The following TP63 variants were observed in gnomAD, a reference collection of about 807,000 sequenced individuals.
The protein encoded by TP63 is tumor protein p63.
Under a neutral mutation model 82.8 loss-of-function variants are expected in TP63, and 17 were observed. That is an observed-to-expected ratio of 0.21 (90% confidence interval 0.14 to 0.31). TP63 has a LOEUF of 0.31. Among genes scored for constraint, TP63 ranks in the 10% least tolerant of loss-of-function variants. The pLI, the probability that TP63 is intolerant of heterozygous loss-of-function variation, is 1.00. For synonymous variants in TP63, 330 were observed against 321.7 expected, an observed-to-expected ratio of 1.03 and a Z score of -0.28; for missense variants, 648 against 895.3, an observed-to-expected ratio of 0.72 and a Z score of 3.52.
At chr3:189,680,756 G>A (rs1394667616) in intron 1 of TP63, among the ~76,000 whole-genome samples, 4 of 152,198 alleles carry the variant, frequency 2.6e-5, no homozygotes, top group Non-Finnish European at 5.9e-5. Flanking sequence ...TGGGTATGCT[G>A]ACATGGACCT....
At chr3:189,596,971 A>G in the TP63 span, among the ~76,000 whole-genome samples, 1 of 152,136 alleles carries the variant, frequency 6.6e-6, no homozygotes, top group Non-Finnish European at 1.5e-5. Flanking sequence ...ACTCACTGCG[A>G]AGGTCTGCAG....
At chr3:189,611,291 C>G in the TP63 span, among the ~76,000 whole-genome samples, 16 of 152,070 alleles carry the variant, frequency 1.1e-4, no homozygotes, top group Non-Finnish European at 2.1e-4. Context: ...TACATTGAAG[C>G]CTTTAATCCA....
chr3:189,783,299 T>C lies in TP63; in HGVS notation c.325-24973T>C, dbSNP rs1193756362. Among the ~76,000 whole-genome samples the C allele has an allele frequency of 2.0e-5, 3 of 151,980 alleles. No individual in the cohort carries two copies. The East Asian group carries it at 5.8e-4, about 29-fold the overall frequency. On this transcript the variant is annotated intron_variant, in intron 3 of 13. Coordinates refer to ENST00000264731, the MANE Select transcript of TP63 (RefSeq NM_003722.5). Reference sequence around the variant, plus strand: ...ATGTACATACTTAACAAAATATATCTTTGGTATTTAGTATGTGTACACCTG... The same window carrying C: ...ATGTACATACTTAACAAAATATATCCTTGGTATTTAGTATGTGTACACCTG...
intron 4 of TP63, among the ~76,000 whole-genome samples, chr3:189,827,065 T>G (rs1711533831): frequency 1.3e-5 from 2 of 152,226 alleles, no homozygotes; most frequent in Non-Finnish European, 1.5e-5. Flanking sequence ...GCCCATAATA[T>G]AGTTCCTGCC....
chr3:189,786,216 A>T (rs1399514220), intron 3 of TP63, among the ~76,000 whole-genome samples: 1 of 151,920 alleles, frequency 6.6e-6, no homozygotes, highest in African/African-American at 2.4e-5. Flanking sequence ...ATACAGACAT[A>T]CATTCTGGAA....
chr3:189,864,378 G>A lies in TP63; in HGVS notation c.726G>A (p.Lys242=). The change falls in exon 5 of 14, where the codon AAG becomes AAA. Residue 242 remains lysine (K), a synonymous_variant. Transcript: ENST00000264731. ...KKAEHVTEVV[K]RCPNHELSRE... is the part of the protein sequence containing the mutation. ...CTGAGCACGTCACGGAGGTGGTGAA[G>A]CGGTGCCCCAACCATGAGCTGAGCC... 6.2e-7 allele frequency: 1 copy of A among 1,614,014 alleles called. No individual in the cohort carries two copies. The highest frequency in any genetic ancestry group is 8.5e-7 in the Non-Finnish European group (1 of 1,179,936).
At chr3:189,705,937 A>G (rs1360298828) in intron 1 of TP63, among the ~76,000 whole-genome samples, 2 of 152,206 alleles carry the variant, frequency 1.3e-5, no homozygotes, top group Admixed American at 6.5e-5. Flanking sequence ...GGACTGGGAT[A>G]TCCATAAAGA....
At chr3:189,843,854 T>A (rs1410964454) in intron 4 of TP63, among the ~76,000 whole-genome samples, 1 of 152,188 alleles carries the variant, frequency 6.6e-6, no homozygotes, top group Non-Finnish European at 1.5e-5. Flanking sequence ...CCTCTTGGCT[T>A]TGTTTCCATG....
At chr3:189,773,689 A>G (rs1463961993) in intron 3 of TP63, among the ~76,000 whole-genome samples, 1 of 152,132 alleles carries the variant, frequency 6.6e-6, no homozygotes, top group Non-Finnish European at 1.5e-5. Flanking sequence ...CAGTGACCTT[A>G]CAAATATTGT....
intron 3 of TP63, among the ~76,000 whole-genome samples, chr3:189,789,423 A>G (rs1724896639): frequency 6.6e-6 from 1 of 151,758 alleles, no homozygotes; most frequent in African/African-American, 2.4e-5. Context: ...TTCTTATGAA[A>G]GAGACAGGGA....
At chr3:189,620,972 G>A in the TP63 span, among the ~76,000 whole-genome samples, 5 of 151,930 alleles carry the variant, frequency 3.3e-5, no homozygotes, top group African/African-American at 2.4e-5. Context: ...CATCTATTAC[G>A]CACACCTTTG....
At chr3:189,778,356 A>T (rs1188221817) in intron 3 of TP63, among the ~76,000 whole-genome samples, 1 of 152,254 alleles carries the variant, frequency 6.6e-6, no homozygotes, top group South Asian at 2.1e-4. Flanking sequence ...TATCAATAAA[A>T]TCAAATCAAC....
intron 10 of TP63, chr3:189,873,340 A>G (rs965051311): frequency 2.8e-5 from 10 of 353,802 alleles, no homozygotes; most frequent in South Asian, 1.8e-4. Flanking sequence ...ATTTGAAAAC[A>G]TGAAATCTTT....
At chr3:189,735,083 T>C (rs1720480521) in intron 1 of TP63, among the ~76,000 whole-genome samples, 1 of 152,214 alleles carries the variant, frequency 6.6e-6, no homozygotes, top group Non-Finnish European at 1.5e-5. Flanking sequence ...TCAAATCTAG[T>C]AGGTATTTTT....
intron 6 of TP63, 78 bp downstream of exon 6, chr3:189,866,875 C>A (rs919732200): frequency 1.7e-6 from 2 of 1,163,322 alleles, no homozygotes; most frequent in Admixed American, 1.8e-5. Context: ...GTTTCAGCAA[C>A]AGGGATGTTT....
intron 1 of TP63, among the ~76,000 whole-genome samples, chr3:189,676,722 C>T (rs914670723): frequency 6.6e-6 from 1 of 152,030 alleles, no homozygotes; most frequent in Non-Finnish European, 1.5e-5. Context: ...CCCCAGCCCC[C>T]TGCCCACAGA....
intron 1 of TP63, among the ~76,000 whole-genome samples, chr3:189,725,260 A>C (rs1255935913): frequency 6.6e-6 from 1 of 152,244 alleles, no homozygotes; most frequent in Non-Finnish European, 1.5e-5. Flanking sequence ...GGAATTAGGT[A>C]AACATGGTAA....
chr3:189,868,542 G>GAATTT lies in TP63; in HGVS notation c.993-35_993-31dup, dbSNP rs759004725. 1.9e-6 allele frequency: 3 copies of GAATTT among 1,612,274 alleles called. No homozygotes were observed. The Admixed American group carries it at 5.0e-5, about 27-fold the overall frequency. ...CTTCAGGGGACTTTCAAAATGCTTT[G>GAATTT]AATTTAACTCTTTCTTCCCCTTTAT... On this transcript the variant is annotated intron_variant, in intron 7 of 13. Coordinates refer to ENST00000264731, the MANE Select transcript of TP63 (RefSeq NM_003722.5).
At chr3:189,793,907 G>A (rs1234307972) in intron 3 of TP63, among the ~76,000 whole-genome samples, 1 of 152,088 alleles carries the variant, frequency 6.6e-6, no homozygotes, top group Non-Finnish European at 1.5e-5. Flanking sequence ...TGCCAATTTA[G>A]TGGAACCTAC....
Sources: gnomAD v4.1 joint callset for allele counts (sites outside exome capture counted in the v4.1 genomes callset) on GRCh38, gnomAD v4.1.1 for gene constraint, MANE v1.5 for transcripts, NCBI Gene and HGNC (gene_info 2026-07-23, HGNC 2026-07-21) for gene names.